The following SHANK1 variants were observed in gnomAD, a reference collection of about 807,000 sequenced individuals.
SHANK1 encodes SH3 and multiple ankyrin repeat domains 1, also known as SH3 and multiple ankyrin repeat domains protein 1.
A neutral mutation model predicts 165.6 loss-of-function variants in SHANK1; 35 were observed. The ratio of observed to expected loss-of-function variants is 0.21; its 90% CI spans 0.16 to 0.28. The LOEUF is 0.28. Ranked by LOEUF, SHANK1 falls within the 10% of genes least tolerant of loss-of-function variation. The probability of loss-of-function intolerance (pLI) is 1.00; values close to 1 mark genes in which losing one functional copy is unlikely to be tolerated. For synonymous variants in SHANK1, 1,428 were observed against 1,384.8 expected, an observed-to-expected ratio of 1.03 and a Z score of -0.69; for missense variants, 2,681 against 3,036.4, an observed-to-expected ratio of 0.88 and a Z score of 2.75.
At chr19:50,673,061 G>T (rs1244029830) in intron 21 of SHANK1, among the ~76,000 whole-genome samples, 2 of 152,088 alleles carry the variant, frequency 1.3e-5, no homozygotes, top group Admixed American at 6.5e-5. Flanking sequence ...GACTCGCCCA[G>T]TCCGTTATGT....
At position 50,668,517 on chromosome 19, in the gene SHANK1, G is replaced by C; in HGVS notation, c.3443C>G (p.Ser1148Trp). ...GGGGATGGGGATGGAGTTCTTCTCC[G>C]AGGGCGCGGCCACGGCGGGCGGCGG... ...PQPPPAVAAP[S>W]EKNSIPIPTI... Residue 1148 changes from serine to tryptophan, a missense_variant, in exon 23 of 24, where the codon TCG becomes TGG. This residue lies in a region of SHANK1 where 1,713 missense variants were observed against 1,630.2 expected (regional missense o/e 1.05). Coordinates refer to ENST00000293441, the MANE Select transcript of SHANK1 (RefSeq NM_016148.5). 1 of 1,348,942 alleles carries C rather than the reference G, an allele frequency of 7.4e-7. No homozygotes were observed. The highest frequency in any genetic ancestry group is 9.5e-7 in the Non-Finnish European group (1 of 1,050,534). The allele number at this position is 1,348,942 out of a possible 1,614,324, so 83.6% of individuals were successfully genotyped here. A position where few individuals can be genotyped will look rare whatever the true frequency, so the allele number is the denominator to read the frequency against.
At position 50,686,784 on chromosome 19, in the gene SHANK1, GGGCACC is replaced by G; in HGVS notation, c.2412_2417del (p.Val805_Pro806del). The G allele has an allele frequency of 6.2e-7, 1 of 1,613,824 alleles. No homozygotes were observed. Among genetic ancestry groups the G allele is most frequent in the Non-Finnish European group, 8.5e-7 (1 of 1,179,814 alleles). On this transcript the variant is annotated inframe_deletion, in exon 20 of 24. Coordinates refer to ENST00000293441, the MANE Select transcript of SHANK1 (RefSeq NM_016148.5). The surrounding 1 kb of genome is among the most constrained non-coding windows in gnomAD (Gnocchi z 5.7). ...ACACGGTCCGCTTTTTCTCCATGCT[GGGCACC>G]GGCGCCGGCTGCTGCTCGTACTCTG... is the stretch of plus-strand genomic sequence containing the variant.
chr19:50,663,946 T>TTTTC (rs1474794970), intron 23 of SHANK1, among the ~76,000 whole-genome samples: 1 of 145,932 alleles, frequency 6.9e-6, no homozygotes, highest in Non-Finnish European at 1.5e-5. Flanking sequence ...CTCTCTTTTT[T>TTTTC]TTTTTTTTTT....
chr19:50,668,736 C>A lies in SHANK1; in HGVS notation c.3224G>T (p.Gly1075Val). The A allele has an allele frequency of 1.6e-6, 2 of 1,274,522 alleles. No homozygotes were observed. Among genetic ancestry groups the A allele is most frequent in the East Asian group, 6.3e-5 (2 of 31,502 alleles). 79.0% of individuals were successfully genotyped at this position (1,274,522 alleles called of 1,614,324 possible). The change falls in exon 23 of 24, where the codon GGC (glycine) becomes GTC (valine). Residue 1075 changes from glycine (G) to valine (V), a missense_variant. Gly to Val is a moderately radical substitution (Grantham distance 109). Coordinates refer to ENST00000293441, the MANE Select transcript of SHANK1 (RefSeq NM_016148.5). ...GCGTAGAGCCGGGCCCTGGGAGGAG[C>A]CGCCGCCCCCGCCCGCGCTGCCGTG... ...SHHGSAGGGG[G>V]SSQGPALRYF...
rs776434451 is a variant in SHANK1, at chr19:50,715,736, G to A, written c.460-6C>T. The A allele has an allele frequency of 6.2e-7, 1 of 1,613,460 alleles. No homozygotes were observed. Among genetic ancestry groups the A allele is most frequent in the African/African-American group, 1.3e-5 (1 of 74,976 alleles). The stretch of plus-strand genomic sequence containing the variant: ...ACTCGGGTCTTGTATCGGAACTGAG[G>A]TCAAGGGTAGGGTAGTGAGAGAGAC... On this transcript the variant is annotated splice_region_variant and splice_polypyrimidine_tract_variant and intron_variant, in intron 3 of 23. Coordinates refer to ENST00000293441, the MANE Select transcript of SHANK1 (RefSeq NM_016148.5).
chr19:50,713,133 G>C lies in SHANK1; in HGVS notation c.792+665C>G, dbSNP rs112223111. ...GGCCGTTTAGCTGGAGCAGCTGTGCGTCGGGGTGCTTCTCAATGGCTGTCT... is the reference window on the plus strand; with the variant it reads ...GGCCGTTTAGCTGGAGCAGCTGTGCCTCGGGGTGCTTCTCAATGGCTGTCT... On this transcript the variant is annotated intron_variant, in intron 6 of 23. Coordinates refer to ENST00000293441, the MANE Select transcript of SHANK1 (RefSeq NM_016148.5). The surrounding 1 kb of genome is among the most constrained non-coding windows in gnomAD (Gnocchi z 6.2). Among the ~76,000 whole-genome samples the C allele has an allele frequency of 6.6e-6, 1 of 152,168 alleles. No homozygotes were observed. Among genetic ancestry groups the C allele is most frequent in the Non-Finnish European group, 1.5e-5 (1 of 68,038 alleles).
At chr19:50,701,018 A>G (rs1986898711) in intron 12 of SHANK1, among the ~76,000 whole-genome samples, 1 of 152,100 alleles carries the variant, frequency 6.6e-6, no homozygotes, top group South Asian at 2.1e-4. Flanking sequence ...GGCTATGGGA[A>G]GAGAGACTAG....
chr19:50,684,797 C>T (rs1055700539), intron 21 of SHANK1, among the ~76,000 whole-genome samples: 3 of 152,118 alleles, frequency 2.0e-5, no homozygotes, highest in Non-Finnish European at 4.4e-5. Context: ...AGTGTTTATG[C>T]GCCTCGTGAT....
Position 50,670,603 on chromosome 19 carries a change from G to A in SHANK1, c.2675-1318C>T, listed in dbSNP as rs1435186765. On this transcript the variant is annotated intron_variant, in intron 22 of 23. Coordinates refer to ENST00000293441, the MANE Select transcript of SHANK1 (RefSeq NM_016148.5). This position sits in a 1 kb window ranked among gnomAD's most constrained non-coding sequence, Gnocchi z 4.1. ...ATGACTCCCCAGACCCTGCAGGATC[G>A]GGACCCTGTCCCCCCACTGCCCTCA... is the stretch of plus-strand genomic sequence containing the variant. 6.6e-6 allele frequency among the ~76,000 whole-genome samples: 1 copy of A among 151,934 alleles called. No individual in the cohort carries two copies. The highest frequency in any genetic ancestry group is 1.5e-5 in the Non-Finnish European group (1 of 67,990).
chr19:50,703,924 T>A (rs1292526903), intron 10 of SHANK1, 94 bp from the exon 11 acceptor site: 17 of 698,676 alleles, frequency 2.4e-5, no homozygotes, highest in Non-Finnish European at 3.3e-5. Context: ...GAGAGAGGCA[T>A]GAGGGAGAAA....
intron 21 of SHANK1, among the ~76,000 whole-genome samples, chr19:50,684,706 C>T (rs914318386): frequency 1.6e-4 from 25 of 152,204 alleles, no homozygotes; most frequent in Non-Finnish European, 2.9e-4. Context: ...ATGCTAGTTT[C>T]AGCAAGACCC....
Position 50,659,790 on chromosome 19 carries a change from A to G in SHANK1, c.*2175T>C, listed in dbSNP as rs1369730158. Reference sequence around the variant, plus strand: ...CTCTCCTCCCCCCCCCACCCCCTACACCCTCCCCAACCCCGCGGCACCCAT... The same window carrying G: ...CTCTCCTCCCCCCCCCACCCCCTACGCCCTCCCCAACCCCGCGGCACCCAT... On this transcript the variant is annotated 3_prime_UTR_variant, in exon 24 of 24. Coordinates refer to ENST00000293441, the MANE Select transcript of SHANK1 (RefSeq NM_016148.5). 8.7e-5 allele frequency among the ~76,000 whole-genome samples: 1 copy of G among 11,454 alleles called. No individual in the cohort carries two copies. Among genetic ancestry groups the G allele is most frequent in the African/African-American group, 3.8e-4 (1 of 2,646 alleles). The allele number at this position is 11,454 out of a possible 152,430, so 7.5% of individuals were successfully genotyped here.
rs571482499 is a variant in SHANK1 at position 50,706,644 on chromosome 19, T to G, written c.1078-2130A>C. ...GCTTGGAATCCTTTCCCGCTAGATC[T>G]CAGCATAGCTTGCTTCCTCACTTCG... On this transcript the variant is annotated intron_variant, in intron 8 of 23. Transcript: ENST00000293441. Among the ~76,000 whole-genome samples, 4 of 152,016 alleles carry G rather than the reference T, an allele frequency of 2.6e-5. No homozygotes were observed. The East Asian group carries it at 7.8e-4, about 29-fold the overall frequency.
intron 8 of SHANK1, 40 bp from the exon 9 acceptor site, chr19:50,704,554 GA>G (rs752713213): frequency 6.4e-7 from 1 of 1,568,096 alleles, no homozygotes; most frequent in Non-Finnish European, 8.8e-7. Flanking sequence ...AAGAGAGAGA[GA>G]AAAAATTAAG....
chr19:50,668,586 C>G lies in SHANK1; in HGVS notation c.3374G>C (p.Gly1125Ala). 7.4e-7 allele frequency: 1 copy of G among 1,350,598 alleles called. No individual in the cohort carries two copies. Among genetic ancestry groups the G allele is most frequent in the Non-Finnish European group, 9.5e-7 (1 of 1,049,046 alleles). The allele number at this position is 1,350,598 out of a possible 1,614,324, so 83.7% of individuals were successfully genotyped here. A position where few individuals can be genotyped will look rare whatever the true frequency, so the allele number is the denominator to read the frequency against. Residue 1125 changes from glycine to alanine, a missense_variant, in exon 23 of 24, where the codon GGC becomes GCC. Around this residue, in one of 10 missense-constraint regions of SHANK1, gnomAD observed 1,713 missense variants for 1,630.2 expected, o/e 1.05. Coordinates refer to ENST00000293441, the MANE Select transcript of SHANK1 (RefSeq NM_016148.5). ...CGTGGGCGACGGCGCGGGCGGGAGG[C>G]CGCCGCCCTTCTGGGGCTCGCCTTC... The part of the protein sequence containing the change: ...KVEGEPQKGG[G>A]LPPAPSPTSP...
chr19:50,719,630 C>G lies in SHANK1; in HGVS notation c.-268G>C, dbSNP rs964132954. 7.4e-5 allele frequency among the ~76,000 whole-genome samples: 11 copies of G among 149,290 alleles called. No homozygotes were observed. The highest frequency in any genetic ancestry group is 4.0e-4 in the East Asian group (2 of 4,972). ...GCCTGGCCATCCGCAGAGCGCCCCC[C>G]CTTCCGCCGCGGCCGCCGCGCCCCT... On this transcript the variant is annotated 5_prime_UTR_variant, in exon 1 of 24. Transcript: ENST00000293441.
chr19:50,669,130 G>A lies in SHANK1; in HGVS notation c.2830C>T (p.Arg944Cys). ...STPPVPSSSG[R>C]LTPSPRGGPF... is the part of the protein sequence containing the mutation. ...CCTCCCCGAGGGGAGGGGGTGAGGC[G>A]CCCTGAGGAGGAGGGGACTGGAGGT... The change falls in exon 23 of 24, where the codon CGC becomes TGC. Residue 944 changes from arginine (R) to cysteine (C), a missense_variant. This residue lies in a region of SHANK1 where 1,713 missense variants were observed against 1,630.2 expected (regional missense o/e 1.05). Transcript: ENST00000293441. 1 of 1,541,168 alleles carries A rather than the reference G, an allele frequency of 6.5e-7. No homozygotes were observed. Among genetic ancestry groups the A allele is most frequent in the Non-Finnish European group, 8.7e-7 (1 of 1,143,514 alleles).
In SHANK1 at chr19:50,702,615, GC is replaced by G; in HGVS notation, c.1598del (p.Gly533AlafsTer30). The G allele has an allele frequency of 6.3e-7, 1 of 1,587,186 alleles. No individual in the cohort carries two copies. ...PREGPAGGTGGSGGPGGSLGS... is the reference protein window; with the variant it reads ...PREGPAGGTGXSGGPGGSLGS... ...CCAGGGAGCCCCCGGGGCCCCCTGA[GC>G]CCCCCGTGCCCCCGGCTGGCCCTTC... On this transcript the variant is annotated frameshift_variant, in exon 12 of 24. Transcript: ENST00000293441. LOFTEE classifies it high-confidence loss of function. The surrounding 1 kb of genome is among the most constrained non-coding windows in gnomAD (Gnocchi z 5.3).
At chr19:50,705,911 C>T (rs1329780585) in intron 8 of SHANK1, among the ~76,000 whole-genome samples, 6 of 152,126 alleles carry the variant, frequency 3.9e-5, no homozygotes, top group Admixed American at 3.9e-4. Context: ...AATCCCAGCA[C>T]TTTGGGAAGC....
Sources: gnomAD v4.1 joint callset for allele counts (sites outside exome capture counted in the v4.1 genomes callset) on GRCh38, gnomAD v4.1.1 for gene constraint, gnomAD v4.1.1 regional missense constraint, Gnocchi (gnomAD v3.1) non-coding constraint, MANE v1.5 for transcripts, NCBI Gene and HGNC (gene_info 2026-07-23, HGNC 2026-07-21) for gene names.